SNAPC3: variants seen among roughly 807,000 people sequenced by gnomAD.
SNAPC3 encodes the protein small nuclear RNA activating complex polypeptide 3, also known as snRNA-activating protein complex subunit 3.
A neutral mutation model predicts 47.7 loss-of-function variants in SNAPC3; 56 were observed. The ratio of observed to expected loss-of-function variants is 1.18; its 90% CI spans 0.95 to 1.47. The LOEUF (loss-of-function observed/expected upper bound fraction) is 1.47, where lower values mean the gene tolerates loss of function less well. Ranked by LOEUF, SNAPC3 falls within the 40% of genes most tolerant of loss-of-function variation. The pLI is 0.00. For synonymous variants in SNAPC3, 235 were observed against 189.9 expected, an observed-to-expected ratio of 1.24 and a Z score of -1.95; for missense variants, 665 against 511.3, an observed-to-expected ratio of 1.30 and a Z score of -2.90.
intron 2 of SNAPC3, 80 bp from the exon 3 acceptor site, chr9:15,433,472 T>A: frequency 2.3e-6 from 2 of 887,470 alleles, no homozygotes; most frequent in Non-Finnish European, 1.8e-6. Flanking sequence ...ATAAAAAAAC[T>A]TGAATGTTAA....
chr9:15,453,224 G>A lies in SNAPC3; in HGVS notation c.980+19G>A. On this transcript the variant is annotated intron_variant, in intron 7 of 8. Transcript: ENST00000380821. ...ACATAAGGTAGGTGACAGCACTTAAGACATTTTGTTACCTTTTTTTTTCTT... is the reference window on the plus strand; with the variant it reads ...ACATAAGGTAGGTGACAGCACTTAAAACATTTTGTTACCTTTTTTTTTCTT... 1 of 1,562,534 alleles carries A rather than the reference G, an allele frequency of 6.4e-7. No individual in the cohort carries two copies. Among genetic ancestry groups the A allele is most frequent in the Non-Finnish European group, 8.7e-7 (1 of 1,153,456 alleles).
chr9:15,435,844 CTT>C (rs57744583), intron 3 of SNAPC3, among the ~76,000 whole-genome samples: 4 of 123,836 alleles, frequency 3.2e-5, no homozygotes, highest in Non-Finnish European at 4.8e-5. Flanking sequence ...ACTTTTCTTT[CTT>C]TTTTTTTTTT....
chr9:15,438,751 TTTTAA>T (rs1450210622), intron 3 of SNAPC3, among the ~76,000 whole-genome samples: 1 of 152,206 alleles, frequency 6.6e-6, no homozygotes, highest in Non-Finnish European at 1.5e-5. Flanking sequence ...CTTTAATTTT[TTTTAA>T]TTTAAGATTT....
At chr9:15,429,887 A>T (rs2031915341) in intron 2 of SNAPC3, among the ~76,000 whole-genome samples, 1 of 152,188 alleles carries the variant, frequency 6.6e-6, no homozygotes, top group Non-Finnish European at 1.5e-5. Context: ...GCTAAAAATA[A>T]AGGGTTAGAC....
intron 2 of SNAPC3, among the ~76,000 whole-genome samples, chr9:15,428,276 G>C (rs1002417141): frequency 5.9e-5 from 9 of 152,106 alleles, no homozygotes; most frequent in African/African-American, 2.2e-4. Flanking sequence ...AGAGCTTGTT[G>C]CAGATAATCA....
At chr9:15,465,388 G>C (rs1352921111), downstream of SNAPC3, 3 of 738,134 alleles carry the variant, frequency 4.1e-6, no homozygotes, top group African/African-American at 3.9e-5. Context: ...TAAAACAAAG[G>C]GATTTTCTCC....
At chr9:15,464,929 CA>C (rs1407491903), downstream of SNAPC3, 10 of 212,792 alleles carry the variant, frequency 4.7e-5, no homozygotes, top group African/African-American at 6.8e-5. Flanking sequence ...GTTGTCATAC[CA>C]AAAAAAACCA....
chr9:15,435,362 C>G (rs1234046260), intron 3 of SNAPC3, among the ~76,000 whole-genome samples: 1 of 152,132 alleles, frequency 6.6e-6, no homozygotes, highest in Non-Finnish European at 1.5e-5. Context: ...CACCTGAGGT[C>G]AGGAGTTCCA....
Position 15,460,053 on chromosome 9 carries a change from A to T in SNAPC3, c.*187A>T. The T allele has an allele frequency of 2.3e-6, 1 of 427,056 alleles. No individual in the cohort carries two copies. The highest frequency in any genetic ancestry group is 4.1e-6 in the Non-Finnish European group (1 of 245,228). The allele number at this position is 427,056 out of a possible 1,614,324, so 26.5% of individuals were successfully genotyped here. ...ATTTAAATGTTTATAACATAGTTTA[A>T]TTTTATATTTATTCCAGATAGTATT... On this transcript the variant is annotated 3_prime_UTR_variant, in exon 9 of 9. Coordinates refer to ENST00000380821, the MANE Select transcript of SNAPC3 (RefSeq NM_001039697.2).
rs796939935 is a variant in SNAPC3 at position 15,444,525 on chromosome 9, G to GC, written c.478-76dup. 43 of 880,812 alleles carry GC rather than the reference G, an allele frequency of 4.9e-5. No homozygotes were observed. In the African/African-American group the frequency reaches 6.9e-4, roughly 14 times the overall value. The allele number at this position is 880,812 out of a possible 1,614,324, so 54.6% of individuals were successfully genotyped here. A position where few individuals can be genotyped will look rare whatever the true frequency, so the allele number is the denominator to read the frequency against. On this transcript the variant is annotated intron_variant, in intron 3 of 8. Transcript: ENST00000380821. ...CCAAGGCTGCTTGACTCGATCCCTT[G>GC]CTGATAGCCATTGTACCACACTGCA... is the stretch of plus-strand genomic sequence containing the variant.
downstream of SNAPC3, chr9:15,465,664 T>A: frequency 8.5e-7 from 1 of 1,175,202 alleles, no homozygotes; most frequent in Non-Finnish European, 1.2e-6. Flanking sequence ...GCATTATATT[T>A]TTAAACCCAT....
chr9:15,424,065 T>C, intron 2 of SNAPC3, 79 bp downstream of exon 2: 1 of 776,630 alleles, frequency 1.3e-6, no homozygotes. Context: ...GAAAGTGCAG[T>C]ATTGATTGTT....
intron 7 of SNAPC3, among the ~76,000 whole-genome samples, chr9:15,454,995 G>C (rs1245423151): frequency 2.0e-5 from 3 of 152,140 alleles, no homozygotes; most frequent in East Asian, 1.9e-4. Context: ...TAGATTAATA[G>C]CTACAAAACA....
At chr9:15,466,644 C>T, downstream of SNAPC3, 1 of 844,456 alleles carries the variant, frequency 1.2e-6, no homozygotes, top group Non-Finnish European at 1.7e-6. Context: ...ATTGGGTGAT[C>T]AAAAGATAAC....
At chr9:15,445,419 C>T (rs2033850473) in intron 4 of SNAPC3, among the ~76,000 whole-genome samples, 1 of 152,140 alleles carries the variant, frequency 6.6e-6, no homozygotes, top group South Asian at 2.1e-4. Context: ...AGAGACAGCT[C>T]TTCTTTGATG....
chr9:15,425,909 C>G (rs2031318275), intron 2 of SNAPC3, among the ~76,000 whole-genome samples: 1 of 152,164 alleles, frequency 6.6e-6, no homozygotes, highest in Non-Finnish European at 1.5e-5. Flanking sequence ...TTGCCCAGGC[C>G]TGAGTGCAAT....
chr9:15,450,578 C>G (rs1360134711), intron 5 of SNAPC3, among the ~76,000 whole-genome samples: 1 of 152,184 alleles, frequency 6.6e-6, no homozygotes, highest in Non-Finnish European at 1.5e-5. Flanking sequence ...GAAAAGAACT[C>G]AGGTCTTCTG....
In SNAPC3 at chr9:15,425,930, C is replaced by T. The variant is rs183312014; in HGVS notation, c.392+1944C>T. Among the ~76,000 whole-genome samples the T allele has an allele frequency of 1.4e-3, 209 of 152,262 alleles. 2 individuals are homozygous for T. Among genetic ancestry groups the T allele is most frequent in the Admixed American group, 0.012 (190 of 15,300 alleles). On this transcript the variant is annotated intron_variant, in intron 2 of 8. Transcript: ENST00000380821. ...AGGCCTGAGTGCAATGGTGCGATCCCGGCTCACGGCAACCTCCGCCTCCTA... is the reference window on the plus strand; with the variant it reads ...AGGCCTGAGTGCAATGGTGCGATCCTGGCTCACGGCAACCTCCGCCTCCTA...
chr9:15,442,711 C>T lies in SNAPC3; in HGVS notation c.478-1891C>T, dbSNP rs1008197503. On this transcript the variant is annotated intron_variant, in intron 3 of 8. Transcript: ENST00000380821. The stretch of plus-strand genomic sequence containing the variant: ...ACTGGGCAGCCAGGCAGAGGGGCTC[C>T]TCACATCCCAGACGATGGGCAGCCA... 2.6e-5 allele frequency among the ~76,000 whole-genome samples: 4 copies of T among 151,810 alleles called. No individual in the cohort carries two copies. The South Asian group carries it at 8.3e-4, about 32-fold the overall frequency.
Sources: allele counts gnomAD v4.1 joint callset (sites outside exome capture counted in the v4.1 genomes callset), GRCh38; gene constraint gnomAD v4.1.1; transcripts MANE v1.5; gene names NCBI Gene and HGNC (gene_info 2026-07-23, HGNC 2026-07-21).